The following PRELID2 variants were observed in gnomAD, a reference collection of about 807,000 sequenced individuals.
The protein encoded by PRELID2 is PRELI domain-containing protein 2.
PRELID2 carries 25 observed loss-of-function variants against 28.4 expected under a neutral mutation model. That is an observed-to-expected ratio of 0.88 (90% CI 0.64 to 1.23). PRELID2 has a LOEUF of 1.23. Among genes scored for constraint, PRELID2 ranks in the 50% most tolerant of loss-of-function variants. PRELID2 has a pLI of 0.00. For missense variants in PRELID2, 201 were observed against 214.4 expected, an observed-to-expected ratio of 0.94 and a Z score of 0.39; for synonymous variants, 76 against 71.6, an observed-to-expected ratio of 1.06 and a Z score of -0.31.
chr5:145,590,713 T>C (rs1753214814), intron 1 of PRELID2, among the ~76,000 whole-genome samples: 1 of 152,200 alleles, frequency 6.6e-6, no homozygotes, highest in Admixed American at 6.5e-5. Context: ...CTTACCTTTG[T>C]CTATTAGTCC....
the PRELID2 span, among the ~76,000 whole-genome samples, chr5:145,364,156 G>C: frequency 4.6e-5 from 7 of 151,762 alleles, no homozygotes; most frequent in Middle Eastern, 3.2e-3. Flanking sequence ...AATACCAAAG[G>C]TAAACAAAAC....
chr5:145,400,200 G>A, the PRELID2 span, among the ~76,000 whole-genome samples: 1 of 152,086 alleles, frequency 6.6e-6, no homozygotes, highest in Non-Finnish European at 1.5e-5. Context: ...CTACAAATGT[G>A]TACAACTAGT....
At chr5:145,402,202 AT>A in the PRELID2 span, among the ~76,000 whole-genome samples, 1 of 151,984 alleles carries the variant, frequency 6.6e-6, no homozygotes, top group African/African-American at 2.4e-5. Flanking sequence ...GAGGAAAGTG[AT>A]TTTCCCAAAG....
At chr5:145,326,221 G>T in the PRELID2 span, among the ~76,000 whole-genome samples, 1 of 152,030 alleles carries the variant, frequency 6.6e-6, no homozygotes, top group Non-Finnish European at 1.5e-5. Flanking sequence ...GCCCAGGCTG[G>T]TCTCCAACTC....
chr5:145,446,324 G>T, the PRELID2 span, among the ~76,000 whole-genome samples: 1 of 152,100 alleles, frequency 6.6e-6, no homozygotes, highest in Non-Finnish European at 1.5e-5. Flanking sequence ...TGAAATAAGA[G>T]CTATAAAGAC....
chr5:145,444,936 A>C, the PRELID2 span, among the ~76,000 whole-genome samples: 1 of 152,088 alleles, frequency 6.6e-6, no homozygotes, highest in Non-Finnish European at 1.5e-5. Flanking sequence ...AATTAATATT[A>C]TGAAAATGAC....
Position 145,651,190 on chromosome 5 carries a change from G to A in PRELID2, n.70+113741C>T, listed in dbSNP as rs189246857. Reference sequence around the variant, plus strand: ...ACAGCAGTCTGAGATCGAACTGCAAGACGGCAGTGAGGCTAGGGGAGAGGT... The same window carrying A: ...ACAGCAGTCTGAGATCGAACTGCAAAACGGCAGTGAGGCTAGGGGAGAGGT... On this transcript the variant is annotated intron_variant and non_coding_transcript_variant, in intron 1 of 2. Transcript: ENST00000510259. Among the ~76,000 whole-genome samples, 53 of 152,312 alleles carry A rather than the reference G, an allele frequency of 3.5e-4. No individual in the cohort carries two copies. In the East Asian group the frequency reaches 9.3e-3, roughly 27 times the overall value.
chr5:145,475,435 G>T (rs1169318867), intron 1 of PRELID2, among the ~76,000 whole-genome samples: 1 of 152,172 alleles, frequency 6.6e-6, no homozygotes, highest in Non-Finnish European at 1.5e-5. Context: ...TGTGATCTGA[G>T]CTTCTCTTTC....
rs1276257038 is a variant in PRELID2 at position 145,760,035 on chromosome 5, G to A, written c.*501C>T. On this transcript the variant is annotated 3_prime_UTR_variant, in exon 7 of 7. Transcript: ENST00000683046. ...TACGGCTTAGCTTCAACATAGGTCT[G>A]GTACATTCCTGTTTGTTCCAGTCCA... 1 of 152,074 alleles carries A rather than the reference G, an allele frequency of 6.6e-6. No homozygotes were observed. Among genetic ancestry groups the A allele is most frequent in the Non-Finnish European group, 1.5e-5 (1 of 68,026 alleles). The allele number at this position is 152,074 out of a possible 1,614,324, so 9.4% of individuals were successfully genotyped here.
At chr5:145,476,140 G>A (rs148902929) in intron 1 of PRELID2, among the ~76,000 whole-genome samples, 42 of 152,252 alleles carry the variant, frequency 2.8e-4, no homozygotes, top group Non-Finnish European at 5.1e-4. Context: ...AACAAAAGGA[G>A]CCCAGGAATT....
chr5:145,665,359 G>T (rs145125032), intron 1 of PRELID2, among the ~76,000 whole-genome samples: 5 of 152,030 alleles, frequency 3.3e-5, no homozygotes, highest in Non-Finnish European at 7.4e-5. Context: ...AATTGGAAAG[G>T]GGGGTGGTCA....
chr5:145,414,957 G>A, the PRELID2 span, among the ~76,000 whole-genome samples: 205 of 152,244 alleles, frequency 1.3e-3, 12 homozygotes, highest in South Asian at 0.042. Flanking sequence ...AAAAAGCAAT[G>A]GTTCTAAGAC....
the PRELID2 span, among the ~76,000 whole-genome samples, chr5:145,448,785 A>G: frequency 6.6e-6 from 1 of 152,116 alleles, no homozygotes; most frequent in African/African-American, 2.4e-5. Flanking sequence ...GTTGTTGGGA[A>G]GGTTAAATTT....
At chr5:145,833,363 CAA>C (rs993867351) in intron 1 of PRELID2, among the ~76,000 whole-genome samples, 20 of 152,188 alleles carry the variant, frequency 1.3e-4, no homozygotes, top group African/African-American at 4.8e-4. Flanking sequence ...GATGACAATC[CAA>C]AAAGACTTTA....
rs552469181 is a variant in PRELID2 at position 145,504,396 on chromosome 5, T to C, written n.71-31081A>G. Reference sequence around the variant, plus strand: ...AACAGAAGCTACTAATTTCCTTAACTACAAAGCACATAGTATTTTCATTTG... The same window carrying C: ...AACAGAAGCTACTAATTTCCTTAACCACAAAGCACATAGTATTTTCATTTG... On this transcript the variant is annotated intron_variant and non_coding_transcript_variant, in intron 1 of 2. Transcript: ENST00000510259. Among the ~76,000 whole-genome samples the C allele has an allele frequency of 2.0e-5, 3 of 152,328 alleles. No homozygotes were observed. The South Asian group carries it at 6.2e-4, about 32-fold the overall frequency.
intron 1 of PRELID2, among the ~76,000 whole-genome samples, chr5:145,739,951 A>G (rs1029161267): frequency 1.6e-4 from 12 of 77,116 alleles, no homozygotes; most frequent in African/African-American, 4.9e-4. Flanking sequence ...AAATAGGACA[A>G]ATAGAAAAAT....
chr5:145,656,897 A>G (rs938464961), intron 1 of PRELID2, among the ~76,000 whole-genome samples: 2 of 152,170 alleles, frequency 1.3e-5, no homozygotes, highest in African/African-American at 2.4e-5. Context: ...AACTTAAAGT[A>G]TGATAAAAAA....
At chr5:145,307,790 C>G in the PRELID2 span, among the ~76,000 whole-genome samples, 1 of 150,714 alleles carries the variant, frequency 6.6e-6, no homozygotes, top group Non-Finnish European at 1.5e-5. Flanking sequence ...ACCATTGGAG[C>G]AGGAAAAAAA....
intron 4 of PRELID2, among the ~76,000 whole-genome samples, chr5:145,810,364 A>G (rs1326920884): frequency 6.6e-6 from 1 of 152,232 alleles, no homozygotes; most frequent in Non-Finnish European, 1.5e-5. Flanking sequence ...TACAACTGCC[A>G]AGATCACTGC....
Sources: allele counts gnomAD v4.1 joint callset (sites outside exome capture counted in the v4.1 genomes callset), GRCh38; gene constraint gnomAD v4.1.1; transcripts MANE v1.5; gene names NCBI Gene and HGNC (gene_info 2026-07-23, HGNC 2026-07-21).